Variants in RGS20 observed in about 807,000 individuals in gnomAD.
RGS20 encodes gz-selective GTPase-activating protein.
A neutral mutation model predicts 33.6 loss-of-function variants in RGS20; 30 were observed. The observed-to-expected ratio is 0.89, with a 90% CI of 0.67 to 1.21. The LOEUF (loss-of-function observed/expected upper bound fraction) is 1.21. RGS20 is among the 50% of genes most tolerant of loss of function. The probability of loss-of-function intolerance (pLI) is 0.00; values close to 1 mark genes in which losing one functional copy is unlikely to be tolerated. For missense variants in RGS20, 472 were observed against 502.4 expected, an observed-to-expected ratio of 0.94 and a Z score of 0.58; for synonymous variants, 208 against 197.9, an observed-to-expected ratio of 1.05 and a Z score of -0.43.
chr8:53,948,374 ATATT>A (rs1173718256), intron 4 of RGS20, among the ~76,000 whole-genome samples: 5 of 142,718 alleles, frequency 3.5e-5, no homozygotes, highest in East Asian at 4.2e-4. Flanking sequence ...GACACAGTAT[ATATT>A]TATATATGCT....
intron 1 of RGS20, among the ~76,000 whole-genome samples, chr8:53,863,132 C>G (rs561973429): frequency 9.1e-4 from 138 of 152,228 alleles, no homozygotes; most frequent in African/African-American, 3.2e-3. Context: ...GGATTACAGG[C>G]ATGTGCCACC....
chr8:53,905,772 A>C (rs893412444), intron 2 of RGS20, among the ~76,000 whole-genome samples: 1 of 152,124 alleles, frequency 6.6e-6, no homozygotes, highest in Non-Finnish European at 1.5e-5. Context: ...TTCTAACTTC[A>C]TTGTGTAAAT....
intron 2 of RGS20, among the ~76,000 whole-genome samples, chr8:53,894,401 A>G (rs543572534): frequency 1.3e-5 from 2 of 152,320 alleles, no homozygotes; most frequent in African/African-American, 4.8e-5. Context: ...AGATTCTCCC[A>G]TGCACATCCT....
In RGS20 at chr8:53,886,147, G is replaced by A. The variant is rs569427072; in HGVS notation, c.510+6545G>A. ...ACTCTGAGTCAGAGCTTAGCATTTA[G>A]TACAATAAGTGGGAGTCACTGACTA... On this transcript the variant is annotated intron_variant, in intron 2 of 5. Coordinates refer to ENST00000297313, the MANE Select transcript of RGS20 (RefSeq NM_170587.4). Among the ~76,000 whole-genome samples, 4 of 152,308 alleles carry A rather than the reference G, an allele frequency of 2.6e-5. No homozygotes were observed. The East Asian group carries it at 7.7e-4, about 29-fold the overall frequency.
At chr8:53,940,052 T>C (rs1390151466) in intron 3 of RGS20, among the ~76,000 whole-genome samples, 1 of 152,160 alleles carries the variant, frequency 6.6e-6, no homozygotes, top group Non-Finnish European at 1.5e-5. Context: ...GGCACTCCTG[T>C]GGTAATGAAG....
chr8:53,877,636 C>T lies in RGS20; in HGVS notation c.166-1622C>T, dbSNP rs1812238755. On this transcript the variant is annotated intron_variant, in intron 1 of 5. Coordinates refer to ENST00000297313, the MANE Select transcript of RGS20 (RefSeq NM_170587.4). The surrounding 1 kb of genome is among the most constrained non-coding windows in gnomAD (Gnocchi z 5.7). ...CAGCCCCTAAAATAAAAGCACCTTG[C>T]CAGAGAGCGGGGGAGGGGAGCAGCT... Among the ~76,000 whole-genome samples, 1 of 152,188 alleles carries T rather than the reference C, an allele frequency of 6.6e-6. No individual in the cohort carries two copies. Among genetic ancestry groups the T allele is most frequent in the Non-Finnish European group, 1.5e-5 (1 of 68,030 alleles).
At chr8:53,893,351 T>G (rs1341057119) in intron 2 of RGS20, among the ~76,000 whole-genome samples, 1 of 152,164 alleles carries the variant, frequency 6.6e-6, no homozygotes, top group Non-Finnish European at 1.5e-5. Flanking sequence ...ATAGAAATAG[T>G]TAGATTCTAC....
At chr8:53,930,215 A>G (rs1405170358) in intron 2 of RGS20, among the ~76,000 whole-genome samples, 3 of 152,230 alleles carry the variant, frequency 2.0e-5, no homozygotes, top group African/African-American at 7.2e-5. Context: ...CTGGAACTGT[A>G]AGAGAATTCA....
chr8:53,944,537 CAA>C (rs762040506), intron 3 of RGS20, among the ~76,000 whole-genome samples: 16 of 108,300 alleles, frequency 1.5e-4, no homozygotes, highest in Non-Finnish European at 1.5e-4. Flanking sequence ...GACCCCGTCT[CAA>C]AAAAAAAAAA....
chr8:53,950,745 C>G (rs1344550012), intron 4 of RGS20, among the ~76,000 whole-genome samples: 1 of 151,684 alleles, frequency 6.6e-6, no homozygotes, highest in Non-Finnish European at 1.5e-5. Flanking sequence ...CTCCCGAGTA[C>G]CTGGGACTAC....
At chr8:53,905,988 C>T (rs1040846639) in intron 2 of RGS20, among the ~76,000 whole-genome samples, 6 of 152,114 alleles carry the variant, frequency 3.9e-5, no homozygotes, top group African/African-American at 1.4e-4. Flanking sequence ...CCCGTTCATT[C>T]GACTTCCAGT....
intron 2 of RGS20, among the ~76,000 whole-genome samples, chr8:53,920,863 A>T (rs1813624786): frequency 3.9e-5 from 6 of 152,144 alleles, no homozygotes; most frequent in Admixed American, 3.9e-4. Flanking sequence ...GGCTCAAGCG[A>T]TTCTCCTGCC....
chr8:53,898,524 A>G (rs183841000), intron 2 of RGS20, among the ~76,000 whole-genome samples: 2 of 152,364 alleles, frequency 1.3e-5, no homozygotes, highest in Admixed American at 1.3e-4. Flanking sequence ...TTAAATTCAT[A>G]TCAAATGTCA....
intron 3 of RGS20, chr8:53,945,184 A>G (rs1471077507): frequency 6.6e-6 from 1 of 152,252 alleles, no homozygotes; most frequent in African/African-American, 2.4e-5. Flanking sequence ...CATGCAGCCA[A>G]AATGTGGAAA....
At chr8:53,879,696 T>C (rs1812302630) in intron 2 of RGS20, 9 of 1,106,398 alleles carry the variant, frequency 8.1e-6, no homozygotes. Context: ...CCCGCTCCGC[T>C]GGGGCTAGCA....
chr8:53,954,261 A>G lies in RGS20; in HGVS notation c.929A>G (p.Lys310Arg). Residue 310 changes from lysine to arginine, a missense_variant, in exon 5 of 6, where the codon AAA becomes AGA. By Grantham distance (26) the Lys-to-Arg change is conservative. Around this residue, in one of 3 missense-constraint regions of RGS20, gnomAD observed 125 missense variants for 169.5 expected, o/e 0.74. Transcript: ENST00000297313. ...GCTAATAAAAACATTATTGAAGAGA[A>G]AGCAAGGATAATCTATGAAGACTAC... The G allele has an allele frequency of 6.2e-7, 1 of 1,613,634 alleles. No homozygotes were observed. The highest frequency in any genetic ancestry group is 8.5e-7 in the Non-Finnish European group (1 of 1,179,570).
chr8:53,938,725 A>G (rs1267802013), intron 2 of RGS20, among the ~76,000 whole-genome samples: 2 of 152,168 alleles, frequency 1.3e-5, no homozygotes, highest in African/African-American at 4.8e-5. Context: ...AGCTCCATCA[A>G]GTGATAGTAT....
Position 53,867,518 on chromosome 8 carries a change from G to A in RGS20, c.166-11740G>A, listed in dbSNP as rs116064631. Among the ~76,000 whole-genome samples, 322 of 152,202 alleles carry A rather than the reference G, an allele frequency of 2.1e-3. 3 individuals carry two copies. The highest frequency in any genetic ancestry group is 6.4e-3 in the African/African-American group (266 of 41,530). On this transcript the variant is annotated intron_variant, in intron 1 of 5. Transcript: ENST00000297313. ...TCAAAGGTGTCTGGCATTACTTGAC[G>A]CAGATCCTGCTAATATCTTCATTTT...
chr8:53,936,326 A>T (rs954663686), intron 2 of RGS20, among the ~76,000 whole-genome samples: 1 of 152,208 alleles, frequency 6.6e-6, no homozygotes, highest in Admixed American at 6.5e-5. Context: ...TTTGCAGATG[A>T]CATGATTGTA....
Sources: gnomAD v4.1 joint callset for allele counts (sites outside exome capture counted in the v4.1 genomes callset) on GRCh38, gnomAD v4.1.1 for gene constraint, gnomAD v4.1.1 regional missense constraint, Gnocchi (gnomAD v3.1) non-coding constraint, MANE v1.5 for transcripts, NCBI Gene and HGNC (gene_info 2026-07-23, HGNC 2026-07-21) for gene names.